Variants in COL14A1 observed in about 807,000 individuals in gnomAD.
COL14A1 encodes collagen type XIV alpha 1 chain, also known as collagen alpha-1(XIV) chain.
COL14A1 carries 136 observed loss-of-function variants against 230.3 expected under a neutral mutation model. The ratio of observed to expected loss-of-function variants is 0.59; its 90% CI spans 0.51 to 0.68. The LOEUF is 0.68. Ranked by LOEUF, COL14A1 falls within the 30% of genes least tolerant of loss-of-function variation. COL14A1 has a pLI of 0.00. For synonymous variants in COL14A1, 792 were observed against 784.1 expected (o/e 1.01, Z -0.17); for missense variants, 1,976 against 2,215.8 (o/e 0.89, Z 2.17).
At chr8:120,266,154 C>A (rs529441898) in intron 24 of COL14A1, among the ~76,000 whole-genome samples, 1 of 152,170 alleles carries the variant, frequency 6.6e-6, no homozygotes, top group South Asian at 2.1e-4. Flanking sequence ...CTTCCTGATG[C>A]TTTGCCACAT....
chr8:120,315,825 A>G (rs957186568), intron 39 of COL14A1, 119 bp from the exon 40 acceptor site: 10 of 1,053,066 alleles, frequency 9.5e-6, no homozygotes, highest in African/African-American at 6.4e-5. Flanking sequence ...CTAGGTTACA[A>G]AGGGTTCACC....
At chr8:120,343,005 A>C (rs1822364788) in intron 44 of COL14A1, among the ~76,000 whole-genome samples, 1 of 152,212 alleles carries the variant, frequency 6.6e-6, no homozygotes, top group African/African-American at 2.4e-5. Context: ...ATATGATATT[A>C]TACTTGGGCT....
intron 47 of COL14A1, chr8:120,370,360 A>G: frequency 6.2e-7 from 1 of 1,612,144 alleles, no homozygotes. Context: ...AATGATTACC[A>G]GCACTGAAGT....
rs1395500508 is a variant in COL14A1, at chr8:120,239,394, C to A, written c.2350-4485C>A. Among the ~76,000 whole-genome samples the A allele has an allele frequency of 3.3e-5, 5 of 152,168 alleles. No homozygotes were observed. In the East Asian group the frequency reaches 9.6e-4, roughly 29 times the overall value. ...TCCTTTGCCTTCCTCACTCAAAAAGCCTTCAATGGGAAGTTACTTTTATTT... is the reference window on the plus strand; with the variant it reads ...TCCTTTGCCTTCCTCACTCAAAAAGACTTCAATGGGAAGTTACTTTTATTT... On this transcript the variant is annotated intron_variant, in intron 19 of 47. Coordinates refer to ENST00000297848, the MANE Select transcript of COL14A1 (RefSeq NM_021110.4).
intron 28 of COL14A1, among the ~76,000 whole-genome samples, chr8:120,279,114 C>T (rs1460481683): frequency 7.0e-6 from 1 of 143,020 alleles, no homozygotes; most frequent in African/African-American, 2.6e-5. Flanking sequence ...AACACATGGA[C>T]ACAGGGAGGG....
At chr8:120,265,342 A>C (rs953280285) in intron 24 of COL14A1, among the ~76,000 whole-genome samples, 1 of 152,136 alleles carries the variant, frequency 6.6e-6, no homozygotes, top group Admixed American at 6.6e-5. Context: ...ACAAATTTTA[A>C]AATTTAAAAA....
At chr8:120,337,295 C>G (rs1822111205) in intron 42 of COL14A1, among the ~76,000 whole-genome samples, 1 of 150,802 alleles carries the variant, frequency 6.6e-6, no homozygotes, top group African/African-American at 2.4e-5. Flanking sequence ...ACTCAGGAAG[C>G]TGAAAGACGA....
At position 120,262,944 on chromosome 8, in the gene COL14A1, A is replaced by G. The variant is rs373424655; in HGVS notation, c.2946A>G (p.Glu982=). 3.1e-6 allele frequency: 5 copies of G among 1,613,692 alleles called. No homozygotes were observed. The highest frequency in any genetic ancestry group is 1.1e-5 in the South Asian group (1 of 91,028). ...HCFYGLQPDS[E]YKISVYTKLQ... is the part of the protein sequence containing the mutation. ...TCTATGGACTTCAGCCTGATTCTGAATATAAAATCAGTGTTTATACAAAGC... is the reference window on the plus strand; with the variant it reads ...TCTATGGACTTCAGCCTGATTCTGAGTATAAAATCAGTGTTTATACAAAGC... Residue 982 remains glutamate (E), a synonymous_variant, in exon 24 of 48, where the codon GAA becomes GAG. Coordinates refer to ENST00000297848, the MANE Select transcript of COL14A1 (RefSeq NM_021110.4).
At position 120,300,789 on chromosome 8, in the gene COL14A1, G is replaced by C; in HGVS notation, c.4372G>C (p.Glu1458Gln). The change falls in exon 36 of 48, where the codon GAA becomes CAA. Residue 1458 changes from glutamate (E) to glutamine (Q), a missense_variant. Physicochemically the swap from Glu to Gln is conservative, Grantham distance 29. This residue lies in a region of COL14A1 where 1,791 missense variants were observed against 2,019.5 expected (regional missense o/e 0.89). Coordinates refer to ENST00000297848, the MANE Select transcript of COL14A1 (RefSeq NM_021110.4). ...TTCCTGCTCCTGTTCTGAAACCAAT[G>C]AAGTGGCTCTGGGACCAGCGGGCCC... Reference protein sequence around the residue: ...PHSCSCSETNEVALGPAGPPG... With the variant: ...PHSCSCSETNQVALGPAGPPG... 1.2e-6 allele frequency: 2 copies of C among 1,613,654 alleles called. No homozygotes were observed. The highest frequency in any genetic ancestry group is 1.7e-6 in the Non-Finnish European group (2 of 1,179,674).
rs1820686867 is a variant in COL14A1 at position 120,300,764 on chromosome 8, TTCCTGC to T, written c.4353_4358del (p.Cys1453_Ser1454del). ...ATGAGTCTTGCCCAGACCTTCCCCA[TTCCTGC>T]TCCTGTTCTGAAACCAATGAAGTGG... is the stretch of plus-strand genomic sequence containing the variant. On this transcript the variant is annotated inframe_deletion, in exon 36 of 48. Coordinates refer to ENST00000297848, the MANE Select transcript of COL14A1 (RefSeq NM_021110.4). 5.0e-6 allele frequency: 8 copies of T among 1,613,546 alleles called. No individual in the cohort carries two copies. Among genetic ancestry groups the T allele is most frequent in the Non-Finnish European group, 5.9e-6 (7 of 1,179,672 alleles).
At chr8:120,185,389 T>A (rs928295244) in intron 5 of COL14A1, among the ~76,000 whole-genome samples, 3 of 152,150 alleles carry the variant, frequency 2.0e-5, no homozygotes, top group Non-Finnish European at 4.4e-5. Flanking sequence ...TGGAGGTGGC[T>A]CACACCTGTA....
At position 120,196,443 on chromosome 8, in the gene COL14A1, G is replaced by A. The variant is rs553586467; in HGVS notation, c.437-348G>A. 1.9e-3 allele frequency among the ~76,000 whole-genome samples: 289 copies of A among 152,222 alleles called. 10 individuals are homozygous for A. The South Asian group carries it at 0.057, about 30-fold the overall frequency. ...TTCCCATCTCGGCTGACTGGCACACGCTGGTGTTGCTAAGACCTTTCCTGG... is the reference window on the plus strand; with the variant it reads ...TTCCCATCTCGGCTGACTGGCACACACTGGTGTTGCTAAGACCTTTCCTGG... On this transcript the variant is annotated intron_variant, in intron 5 of 47. Transcript: ENST00000297848.
intron 19 of COL14A1, among the ~76,000 whole-genome samples, chr8:120,234,429 G>A (rs1235977737): frequency 1.3e-5 from 2 of 152,182 alleles, no homozygotes; most frequent in East Asian, 1.9e-4. Context: ...TGCCCATTCA[G>A]TATGATATTG....
At position 120,194,775 on chromosome 8, in the gene COL14A1, A is replaced by G. The variant is rs556968334; in HGVS notation, c.437-2016A>G. Among the ~76,000 whole-genome samples the G allele has an allele frequency of 7.2e-5, 11 of 152,330 alleles. No homozygotes were observed. In the South Asian group the frequency reaches 2.3e-3, roughly 32 times the overall value. ...CCCAGTAGTTTTGGAAAAGAAAGAAAACTACTCTCCATTTGAGAGTAACTT... is the reference window on the plus strand; with the variant it reads ...CCCAGTAGTTTTGGAAAAGAAAGAAGACTACTCTCCATTTGAGAGTAACTT... On this transcript the variant is annotated intron_variant, in intron 5 of 47. Transcript: ENST00000297848.
intron 45 of COL14A1, among the ~76,000 whole-genome samples, chr8:120,356,104 A>G (rs924677082): frequency 1.3e-5 from 2 of 152,230 alleles, no homozygotes; most frequent in African/African-American, 4.8e-5. Context: ...AAGATGGTAA[A>G]TGCTAAGTGA....
rs1299868818 is a variant in COL14A1 at position 120,262,951 on chromosome 8, A to G, written c.2953A>G (p.Ile985Val). Reference sequence around the variant, plus strand: ...ACTTCAGCCTGATTCTGAATATAAAATCAGTGTTTATACAAAGCTCCAGGA... The same window carrying G: ...ACTTCAGCCTGATTCTGAATATAAAGTCAGTGTTTATACAAAGCTCCAGGA... The part of the protein sequence containing the change: ...YGLQPDSEYK[I>V]SVYTKLQEIE... Residue 985 changes from isoleucine (I) to valine (V), a missense_variant, in exon 24 of 48, where the codon ATC becomes GTC. Physicochemically the swap from Ile to Val is conservative, Grantham distance 29. This residue lies in a region of COL14A1 where 1,791 missense variants were observed against 2,019.5 expected (regional missense o/e 0.89). Transcript: ENST00000297848. 1.9e-6 allele frequency: 3 copies of G among 1,613,792 alleles called. No homozygotes were observed. The highest frequency in any genetic ancestry group is 2.2e-5 in the East Asian group (1 of 44,860).
intron 36 of COL14A1, among the ~76,000 whole-genome samples, chr8:120,301,838 C>G (rs929561594): frequency 3.9e-5 from 6 of 152,064 alleles, no homozygotes; most frequent in African/African-American, 1.4e-4. Flanking sequence ...ATAAGTGTTC[C>G]CTTTTCTCTG....
chr8:120,210,246 CTA>C (rs571509150), intron 12 of COL14A1, among the ~76,000 whole-genome samples: 206 of 152,214 alleles, frequency 1.4e-3, no homozygotes, highest in African/African-American at 4.8e-3. Flanking sequence ...TTTAATCAAT[CTA>C]TGTTATTGGA....
intron 5 of COL14A1, among the ~76,000 whole-genome samples, chr8:120,175,429 C>T (rs532603773): frequency 6.6e-6 from 1 of 152,058 alleles, no homozygotes; most frequent in South Asian, 2.1e-4. Flanking sequence ...AGATCACCAG[C>T]CTTCTTTGTT....
Sources: gnomAD v4.1 joint callset for allele counts (sites outside exome capture counted in the v4.1 genomes callset) on GRCh38, gnomAD v4.1.1 for gene constraint, gnomAD v4.1.1 regional missense constraint, MANE v1.5 for transcripts, NCBI Gene and HGNC (gene_info 2026-07-23, HGNC 2026-07-21) for gene names.